UTS2: variants seen among roughly 807,000 people sequenced by gnomAD.
UTS2 encodes the protein urotensin 2, also known as urotensin-2.
Under a neutral mutation model 12.6 loss-of-function variants are expected in UTS2, and 10 were observed. The ratio of observed to expected loss-of-function variants is 0.80; its 90% confidence interval spans 0.49 to 1.35. The LOEUF (loss-of-function observed/expected upper bound fraction) is 1.35. Among genes scored for constraint, UTS2 ranks in the 40% most tolerant of loss-of-function variants. The pLI, the probability that UTS2 is intolerant of heterozygous loss-of-function variation, is 0.00. For missense variants in UTS2, 142 were observed against 143.2 expected (o/e 0.99, Z 0.04); for synonymous variants, 52 against 50.0 (o/e 1.04, Z -0.17).
the UTS2 span, among the ~76,000 whole-genome samples, chr1:7,896,984 C>T: frequency 6.7e-6 from 1 of 149,704 alleles, no homozygotes; most frequent in South Asian, 2.1e-4. Context: ...AGGCATGAGC[C>T]ACTGTGCCTG....
chr1:7,893,394 G>A, the UTS2 span, among the ~76,000 whole-genome samples: 12,572 of 152,108 alleles, frequency 0.083, 1,320 homozygotes, highest in East Asian at 0.47. Flanking sequence ...CCGGCTGCTC[G>A]GGAGGCTGAG....
the UTS2 span, among the ~76,000 whole-genome samples, chr1:7,867,381 A>G: frequency 6.6e-6 from 1 of 152,194 alleles, no homozygotes; most frequent in Non-Finnish European, 1.5e-5. Context: ...ATTAAGATAA[A>G]AATGGGGTCA....
the UTS2 span, among the ~76,000 whole-genome samples, chr1:7,904,891 G>A: frequency 9.2e-6 from 1 of 108,780 alleles, no homozygotes; most frequent in Non-Finnish European, 1.7e-5. Flanking sequence ...GTGACAGAGT[G>A]AGACTCTGTC....
At chr1:7,875,557 C>G in the UTS2 span, among the ~76,000 whole-genome samples, 1 of 152,100 alleles carries the variant, frequency 6.6e-6, no homozygotes, top group African/African-American at 2.4e-5. Context: ...GAACACCCAT[C>G]ACAGCTGTGT....
chr1:7,858,609 C>T, the UTS2 span, among the ~76,000 whole-genome samples: 3 of 152,134 alleles, frequency 2.0e-5, no homozygotes, highest in Non-Finnish European at 4.4e-5. Flanking sequence ...CAGAGTCTCA[C>T]TCTGTCGCCC....
chr1:7,912,621 C>CT, the UTS2 span, among the ~76,000 whole-genome samples: 1 of 152,124 alleles, frequency 6.6e-6, no homozygotes, highest in African/African-American at 2.4e-5. Context: ...GCCCGGCTAA[C>CT]TTTTTTATAT....
chr1:7,906,469 A>AAG, the UTS2 span, among the ~76,000 whole-genome samples: 1 of 147,826 alleles, frequency 6.8e-6, no homozygotes, highest in African/African-American at 2.5e-5. Flanking sequence ...GAAAGAAAGA[A>AAG]AGAAAGAAAG....
the UTS2 span, among the ~76,000 whole-genome samples, chr1:7,903,752 T>G: frequency 6.6e-6 from 1 of 152,132 alleles, no homozygotes; most frequent in Admixed American, 6.6e-5. Context: ...AGTAGAAGCT[T>G]GCACAGGAGT....
At chr1:7,860,973 C>A in the UTS2 span, among the ~76,000 whole-genome samples, 3 of 143,160 alleles carry the variant, frequency 2.1e-5, no homozygotes, top group African/African-American at 7.9e-5. Context: ...ACCTGTGAGG[C>A]AGAAGTTGCA....
the UTS2 span, among the ~76,000 whole-genome samples, chr1:7,876,897 C>T: frequency 2.9e-4 from 44 of 151,870 alleles, no homozygotes; most frequent in East Asian, 9.7e-4. Flanking sequence ...TTTGGGAGAC[C>T]GAGGCAGGTG....
the UTS2 span, among the ~76,000 whole-genome samples, chr1:7,887,040 CAAAAAAAAAAAAAAAA>C: frequency 4.9e-3 from 170 of 34,740 alleles, 1 homozygote; most frequent in Middle Eastern, 0.048. Flanking sequence ...GACTCCGTCT[CAAAAAAAAAAAAAAAA>C]AAAAAAAAAA....
At chr1:7,861,161 C>G in the UTS2 span, among the ~76,000 whole-genome samples, 1 of 151,906 alleles carries the variant, frequency 6.6e-6, no homozygotes, top group Non-Finnish European at 1.5e-5. Flanking sequence ...AGAGGAACAC[C>G]AAGGATGATC....
the UTS2 span, among the ~76,000 whole-genome samples, chr1:7,907,482 CAAAAAAATTTAAACATTTTTTTAAATTT>C: frequency 1.3e-5 from 2 of 151,408 alleles, no homozygotes; most frequent in East Asian, 1.9e-4. Context: ...TTCATCTTTA[CAAAAAAATTTAAACATTTTTTTAAATTT>C]AAAAAAATTT....
At chr1:7,911,082 C>T in the UTS2 span, among the ~76,000 whole-genome samples, 1 of 151,998 alleles carries the variant, frequency 6.6e-6, no homozygotes, top group Admixed American at 6.6e-5. Context: ...CTTCCCAGTA[C>T]TTTTGTAGTG....
chr1:7,890,111 G>A, the UTS2 span, among the ~76,000 whole-genome samples: 1 of 142,818 alleles, frequency 7.0e-6, no homozygotes, highest in African/African-American at 2.7e-5. Context: ...GGGCAACAGA[G>A]CGAGCCTCCA....
the UTS2 span, among the ~76,000 whole-genome samples, chr1:7,879,823 A>G: frequency 6.6e-6 from 1 of 152,204 alleles, no homozygotes; most frequent in Non-Finnish European, 1.5e-5. Flanking sequence ...CAGCAAAAGC[A>G]GTGCTAAAAG....
At chr1:7,907,510 TA>T in the UTS2 span, among the ~76,000 whole-genome samples, 2 of 151,678 alleles carry the variant, frequency 1.3e-5, no homozygotes, top group South Asian at 2.1e-4. Context: ...TTTTTAAATT[TA>T]AAAAAATTTA....
chr1:7,903,554 T>C, the UTS2 span, among the ~76,000 whole-genome samples: 1 of 151,916 alleles, frequency 6.6e-6, no homozygotes, highest in Non-Finnish European at 1.5e-5. Context: ...CATCCCTGGC[T>C]AATTTTTGTA....
At chr1:7,898,423 G>A in the UTS2 span, among the ~76,000 whole-genome samples, 3 of 152,058 alleles carry the variant, frequency 2.0e-5, no homozygotes, top group Admixed American at 1.3e-4. Flanking sequence ...AGAGAGAGAA[G>A]GGGTGCTCTG....
Sources: allele counts gnomAD v4.1 joint callset (sites outside exome capture counted in the v4.1 genomes callset), GRCh38; gene constraint gnomAD v4.1.1; transcripts MANE v1.5; gene names NCBI Gene and HGNC (gene_info 2026-07-23, HGNC 2026-07-21).